DUSP4: variants seen among roughly 807,000 people sequenced by gnomAD.
DUSP4 encodes the protein dual specificity phosphatase 4, also known as dual specificity protein phosphatase 4.
In DUSP4, 12 loss-of-function variants were observed where a neutral mutation model predicts 27.2. That is an observed-to-expected ratio of 0.44 (90% CI 0.28 to 0.71). The LOEUF (loss-of-function observed/expected upper bound fraction) is 0.71, where lower values mean the gene tolerates loss of function less well. DUSP4 is among the 30% of genes least tolerant of loss of function. The probability of loss-of-function intolerance (pLI) is 0.14; values close to 1 mark genes in which losing one functional copy is unlikely to be tolerated. For missense variants in DUSP4, 448 were observed against 551.3 expected (o/e 0.81, Z 1.88); for synonymous variants, 257 against 245.2 (o/e 1.05, Z -0.45).
chr8:29,337,994 A>G lies in DUSP4; in HGVS notation c.799+288T>C, dbSNP rs1048568860. ...GAAATAAAATAAAAACTATGACTCAATGCTCCTTGTGTCTTCCTCCCCGTC... is the reference window on the plus strand; with the variant it reads ...GAAATAAAATAAAAACTATGACTCAGTGCTCCTTGTGTCTTCCTCCCCGTC... On this transcript the variant is annotated intron_variant, in intron 3 of 3. Transcript: ENST00000240100. This position sits in a 1 kb window ranked among gnomAD's most constrained non-coding sequence, Gnocchi z 6.4. Among the ~76,000 whole-genome samples the G allele has an allele frequency of 1.2e-4, 18 of 152,198 alleles. No individual in the cohort carries two copies. The highest frequency in any genetic ancestry group is 4.2e-4 in the South Asian group (2 of 4,818).
rs555074861 is a variant in DUSP4 at position 29,336,696 on chromosome 8, G to A, written c.*330C>T. On this transcript the variant is annotated 3_prime_UTR_variant, in exon 4 of 4. Transcript: ENST00000240100. The stretch of plus-strand genomic sequence containing the variant: ...GTTGGGCACATTTGCTAGGATCTGT[G>A]GGTTTCATCACTTCAAGCCTTACTG... 2.3e-4 allele frequency: 54 copies of A among 235,892 alleles called. No individual in the cohort carries two copies. Among genetic ancestry groups the A allele is most frequent in the Non-Finnish European group, 2.9e-4 (36 of 122,158 alleles). 14.6% of individuals were successfully genotyped at this position (235,892 alleles called of 1,614,324 possible). A position where few individuals can be genotyped will look rare whatever the true frequency, so the allele number is the denominator to read the frequency against.
chr8:29,350,521 G>C lies in DUSP4; in HGVS notation c.-243C>G, dbSNP rs1475403709. The C allele has an allele frequency of 9.4e-6, 5 of 532,512 alleles. No homozygotes were observed. Among genetic ancestry groups the C allele is most frequent in the Non-Finnish European group, 1.6e-5 (5 of 306,882 alleles). The allele number at this position is 532,512 out of a possible 1,614,324, so 33.0% of individuals were successfully genotyped here. A position where few individuals can be genotyped will look rare whatever the true frequency, so the allele number is the denominator to read the frequency against. Reference sequence around the variant, plus strand: ...CAGCCGGGCGGCGCGCAGAGCGGAGGGGGAGGCGCCGGTGGAGGAGAGTGT... The same window carrying C: ...CAGCCGGGCGGCGCGCAGAGCGGAGCGGGAGGCGCCGGTGGAGGAGAGTGT... On this transcript the variant is annotated 5_prime_UTR_variant, in exon 1 of 4. Coordinates refer to ENST00000240100, the MANE Select transcript of DUSP4 (RefSeq NM_001394.7).
chr8:29,347,017 C>T (rs959438676), intron 1 of DUSP4, among the ~76,000 whole-genome samples: 1 of 152,194 alleles, frequency 6.6e-6, no homozygotes, highest in African/African-American at 2.4e-5. Flanking sequence ...ACAGGCACAC[C>T]TGAAATGAGA....
chr8:29,342,494 A>G (rs1817669083), intron 1 of DUSP4, among the ~76,000 whole-genome samples: 1 of 152,142 alleles, frequency 6.6e-6, no homozygotes, highest in Non-Finnish European at 1.5e-5. Context: ...AGATCCTCAA[A>G]GGCCAAAGAG....
chr8:29,345,874 T>A, intron 1 of DUSP4: 2 of 1,035,670 alleles, frequency 1.9e-6, no homozygotes, highest in Non-Finnish European at 2.3e-6. Context: ...CTGTAAGACC[T>A]AGCAACTTAT....
chr8:29,349,280 G>A (rs1393919037), intron 1 of DUSP4, among the ~76,000 whole-genome samples: 1 of 152,030 alleles, frequency 6.6e-6, no homozygotes, highest in South Asian at 2.1e-4. Flanking sequence ...GCTTGGAGTT[G>A]GGCAGCGGGA....
At position 29,336,870 on chromosome 8, in the gene DUSP4, G is replaced by T; in HGVS notation, c.*156C>A. On this transcript the variant is annotated 3_prime_UTR_variant, in exon 4 of 4. Coordinates refer to ENST00000240100, the MANE Select transcript of DUSP4 (RefSeq NM_001394.7). ...TTATTATGTATTCGGAGTCCTTATTGCCATTCTGGCTGGCCTCGTCGTTGG... is the reference window on the plus strand; with the variant it reads ...TTATTATGTATTCGGAGTCCTTATTTCCATTCTGGCTGGCCTCGTCGTTGG... 9.2e-7 allele frequency: 1 copy of T among 1,088,622 alleles called. No homozygotes were observed. The highest frequency in any genetic ancestry group is 1.3e-6 in the Non-Finnish European group (1 of 787,250). 67.4% of individuals were successfully genotyped at this position (1,088,622 alleles called of 1,614,324 possible). A position where few individuals can be genotyped will look rare whatever the true frequency, so the allele number is the denominator to read the frequency against.
In DUSP4 at chr8:29,340,115, T is replaced by C. The variant is rs960885893; in HGVS notation, c.562A>G (p.Thr188Ala). Reference protein sequence around the residue: ...PLDLGCSSCGTPLHDQGGPVE... With the variant: ...PLDLGCSSCGAPLHDQGGPVE... Reference sequence around the variant, plus strand: ...GAGTCTACCTGGTCGTGTAGTGGGGTCCCACAGGAGCTGCAGCCCAGGTCC... The same window carrying C: ...GAGTCTACCTGGTCGTGTAGTGGGGCCCCACAGGAGCTGCAGCCCAGGTCC... Residue 188 changes from threonine (T) to alanine (A), a missense_variant, in exon 2 of 4, where the codon ACC becomes GCC. By Grantham distance (58) the Thr-to-Ala change is moderately conservative. This residue lies in a region of DUSP4 where 345 missense variants were observed against 394.0 expected (regional missense o/e 0.88). Transcript: ENST00000240100. 8.9e-6 allele frequency: 14 copies of C among 1,580,504 alleles called. No homozygotes were observed. The highest frequency in any genetic ancestry group is 1.2e-5 in the Non-Finnish European group (14 of 1,162,900).
chr8:29,348,889 G>T (rs1817779845), intron 1 of DUSP4: 3 of 636,058 alleles, frequency 4.7e-6, no homozygotes, highest in Non-Finnish European at 3.9e-6. Context: ...CAGCGCGGCG[G>T]GGGGCGCCCG....
Position 29,340,252 on chromosome 8 carries a change from G to T in DUSP4, c.434-9C>A, listed in dbSNP as rs1440042551. 6.2e-7 allele frequency: 1 copy of T among 1,604,026 alleles called. No homozygotes were observed. On this transcript the variant is annotated splice_polypyrimidine_tract_variant and intron_variant, in intron 1 of 3. Transcript: ENST00000240100. Reference sequence around the variant, plus strand: ...AAACCTCTCATAGCCGCCTGTAAAGGAGAAAGAAGCTCAGGTTAATGGGGT... The same window carrying T: ...AAACCTCTCATAGCCGCCTGTAAAGTAGAAAGAAGCTCAGGTTAATGGGGT...
At chr8:29,348,480 A>T in intron 1 of DUSP4, 1 of 985,618 alleles carries the variant, frequency 1.0e-6, no homozygotes, top group Non-Finnish European at 1.2e-6. Context: ...GCGGAAAAAG[A>T]AAGAAAAATC....
chr8:29,341,394 C>T (rs1047070236), intron 1 of DUSP4, among the ~76,000 whole-genome samples: 1 of 152,204 alleles, frequency 6.6e-6, no homozygotes, highest in Non-Finnish European at 1.5e-5. Flanking sequence ...CAGTCACTTG[C>T]GCCAAATCCC....
rs1393313398 is a variant in DUSP4 at position 29,350,001 on chromosome 8, ACCT to A, written c.275_277del (p.Glu92del). On this transcript the variant is annotated inframe_deletion, in exon 1 of 4. Transcript: ENST00000240100. ...GAGGCCGGAGCGCAAGCGGGCGCGTACCTCCTCCTCGGCGGGCAGGATCTGCTC... is the reference window on the plus strand; with the variant it reads ...GAGGCCGGAGCGCAAGCGGGCGCGTACCTCCTCGGCGGGCAGGATCTGCTC... The A allele has an allele frequency of 1.3e-6, 2 of 1,595,082 alleles. No individual in the cohort carries two copies. Among genetic ancestry groups the A allele is most frequent in the Non-Finnish European group, 1.7e-6 (2 of 1,172,904 alleles).
chr8:29,340,218 C>T lies in DUSP4; in HGVS notation c.459G>A (p.Glu153=). The change falls in exon 2 of 4, where the codon GAG becomes GAA. Residue 153 remains glutamate, a synonymous_variant. Transcript: ENST00000240100. The stretch of plus-strand genomic sequence containing the variant: ...TGGTTTTAGAACAGAATTCTGGGTA[C>T]TCGGAGGAAAACCTCTCATAGCCGC... The part of the protein sequence containing the change: ...LKGGYERFSS[E]YPEFCSKTKA... 6.2e-7 allele frequency: 1 copy of T among 1,612,686 alleles called. No homozygotes were observed. Among genetic ancestry groups the T allele is most frequent in the Non-Finnish European group, 8.5e-7 (1 of 1,179,386 alleles).
At chr8:29,340,032 G>A (rs535942333) in intron 2 of DUSP4, 66 bp downstream of exon 2, 2 of 1,509,938 alleles carry the variant, frequency 1.3e-6, no homozygotes, top group East Asian at 2.5e-5. Context: ...ACTCTGAAAA[G>A]AAGGCATCCA....
rs1343943372 is a variant in DUSP4 at position 29,334,938 on chromosome 8, G to T, written c.*2088C>A. 1.3e-5 allele frequency: 2 copies of T among 152,158 alleles called. No homozygotes were observed. The highest frequency in any genetic ancestry group is 3.9e-4 in the East Asian group (2 of 5,192). 9.4% of individuals were successfully genotyped at this position (152,158 alleles called of 1,614,324 possible). The stretch of plus-strand genomic sequence containing the variant: ...AGTCAGGATGAATGATGCCGTCACA[G>T]GTTCATGGTTCATGGAAGGAAAGGT... On this transcript the variant is annotated 3_prime_UTR_variant, in exon 4 of 4. Transcript: ENST00000240100.
intron 2 of DUSP4, among the ~76,000 whole-genome samples, chr8:29,339,837 C>T (rs943398689): frequency 1.4e-5 from 2 of 140,360 alleles, no homozygotes; most frequent in African/African-American, 2.6e-5. Flanking sequence ...GACCCCCCCC[C>T]CCCATCTCTA....
intron 1 of DUSP4, chr8:29,347,709 G>A: frequency 1.0e-6 from 1 of 976,936 alleles, no homozygotes; most frequent in Non-Finnish European, 1.2e-6. Context: ...GGCAGTGCAG[G>A]CTCCAGGAGG....
chr8:29,349,764 C>G (rs2117279602), intron 1 of DUSP4, 82 bp downstream of exon 1: 1 of 1,406,586 alleles, frequency 7.1e-7, no homozygotes, highest in Admixed American at 3.0e-5. Flanking sequence ...GCCGGGGACT[C>G]CTTCCCGTGC....
Sources: allele counts gnomAD v4.1 joint callset (sites outside exome capture counted in the v4.1 genomes callset), GRCh38; gene constraint gnomAD v4.1.1; regional missense constraint gnomAD v4.1.1; non-coding constraint Gnocchi (gnomAD v3.1); transcripts MANE v1.5; gene names NCBI Gene and HGNC (gene_info 2026-07-23, HGNC 2026-07-21).